CBFA2T2: variants seen among roughly 807,000 people sequenced by gnomAD.
The protein encoded by CBFA2T2 is protein CBFA2T2.
In CBFA2T2, 11 loss-of-function variants were observed where a neutral mutation model predicts 62.2. The ratio of observed to expected loss-of-function variants is 0.18; its 90% CI spans 0.11 to 0.29. The LOEUF is 0.29. Among genes scored for constraint, CBFA2T2 ranks in the 10% least tolerant of loss-of-function variants. CBFA2T2 has a pLI of 1.00. For missense variants in CBFA2T2, 592 were observed against 774.1 expected, an observed-to-expected ratio of 0.76 and a Z score of 2.79; for synonymous variants, 295 against 287.5, an observed-to-expected ratio of 1.03 and a Z score of -0.27.
chr20:33,579,265 A>C (rs2013994782), intron 1 of CBFA2T2, among the ~76,000 whole-genome samples: 1 of 151,774 alleles, frequency 6.6e-6, no homozygotes, highest in Non-Finnish European at 1.5e-5. Context: ...ATGGGGTCTC[A>C]CTGTATTGCC....
intron 3 of CBFA2T2, among the ~76,000 whole-genome samples, chr20:33,615,209 C>T (rs1415770065): frequency 6.6e-6 from 1 of 152,152 alleles, no homozygotes. Context: ...AGTTATCCAT[C>T]TGCATTCTGT....
At chr20:33,521,327 A>G (rs1457784445) in intron 1 of CBFA2T2, among the ~76,000 whole-genome samples, 2 of 152,186 alleles carry the variant, frequency 1.3e-5, no homozygotes, top group African/African-American at 2.4e-5. Flanking sequence ...GAAGTGGTTA[A>G]TGACAACCAA....
chr20:33,490,415 C>G (rs902766411), intron 1 of CBFA2T2, 114 bp downstream of exon 1: 2 of 1,035,442 alleles, frequency 1.9e-6, no homozygotes, highest in Admixed American at 8.7e-5. Context: ...AACTGAGGCC[C>G]GAAGCGGGGC....
At position 33,600,714 on chromosome 20, in the gene CBFA2T2, G is replaced by A. The variant is rs776716929; in HGVS notation, c.35-6242G>A. ...TTGTGTTAAGACTTGCCTGGCCGTC[G>A]TACATGGTAATGTTTCTATTTCTTT... is the stretch of plus-strand genomic sequence containing the variant. On this transcript the variant is annotated intron_variant, in intron 1 of 10. Transcript: ENST00000342704. 2.4e-4 allele frequency among the ~76,000 whole-genome samples: 37 copies of A among 151,954 alleles called. 2 individuals are homozygous for A. The highest frequency in any genetic ancestry group is 7.4e-5 in the Non-Finnish European group (5 of 67,982).
At chr20:33,567,567 G>C (rs1033029843) in intron 1 of CBFA2T2, among the ~76,000 whole-genome samples, 1 of 149,974 alleles carries the variant, frequency 6.7e-6, no homozygotes, top group Non-Finnish European at 1.5e-5. Flanking sequence ...TGCCTACTTT[G>C]TAAATTAAAC....
intron 1 of CBFA2T2, among the ~76,000 whole-genome samples, chr20:33,593,342 C>CA (rs200276034): frequency 1.8e-4 from 27 of 146,172 alleles, no homozygotes; most frequent in African/African-American, 5.2e-4. Context: ...AAACAAAAAA[C>CA]AAAAAAAACC....
intron 1 of CBFA2T2, among the ~76,000 whole-genome samples, chr20:33,596,428 C>T (rs6057872): frequency 6.6e-6 from 1 of 152,144 alleles, no homozygotes; most frequent in Non-Finnish European, 1.5e-5. Context: ...TTATAATAAC[C>T]TAAACAGCTA....
intron 1 of CBFA2T2, among the ~76,000 whole-genome samples, chr20:33,530,236 C>T (rs549047195): frequency 6.6e-6 from 1 of 152,114 alleles, no homozygotes; most frequent in Non-Finnish European, 1.5e-5. Context: ...CTTTGTTTCT[C>T]TTTTGTATCT....
At chr20:33,626,116 CA>C (rs1404057586) in intron 6 of CBFA2T2, among the ~76,000 whole-genome samples, 2 of 151,378 alleles carry the variant, frequency 1.3e-5, no homozygotes, top group African/African-American at 2.4e-5. Flanking sequence ...AAAACAAAAC[CA>C]AACAAAAAAC....
At chr20:33,600,024 C>T (rs1006656909) in intron 1 of CBFA2T2, among the ~76,000 whole-genome samples, 3 of 152,092 alleles carry the variant, frequency 2.0e-5, no homozygotes, top group Non-Finnish European at 4.4e-5. Flanking sequence ...GATGTGTTGT[C>T]AGATTTGTGG....
chr20:33,589,060 A>G (rs534950160), intron 1 of CBFA2T2, among the ~76,000 whole-genome samples: 24 of 152,348 alleles, frequency 1.6e-4, no homozygotes, highest in African/African-American at 5.8e-4. Flanking sequence ...TATTTCTAAT[A>G]AAAACAAGTA....
intron 3 of CBFA2T2, among the ~76,000 whole-genome samples, chr20:33,611,798 A>G (rs369466203): frequency 5.9e-5 from 9 of 152,298 alleles, no homozygotes; most frequent in African/African-American, 2.2e-4. Flanking sequence ...TATAAGCATG[A>G]TGTTTAATTG....
chr20:33,615,586 C>A (rs1381493255), intron 3 of CBFA2T2, among the ~76,000 whole-genome samples: 3 of 152,062 alleles, frequency 2.0e-5, no homozygotes, highest in Admixed American at 6.6e-5. Context: ...CCTATTCCCC[C>A]CAATAAGTAG....
intron 8 of CBFA2T2, among the ~76,000 whole-genome samples, chr20:33,632,742 C>T (rs1255518312): frequency 6.6e-6 from 1 of 151,004 alleles, no homozygotes; most frequent in African/African-American, 2.4e-5. Context: ...CCACCGTGCC[C>T]GGCCTCACCA....
chr20:33,542,771 A>C (rs1487146766), intron 1 of CBFA2T2, among the ~76,000 whole-genome samples: 2 of 151,954 alleles, frequency 1.3e-5, no homozygotes, highest in Admixed American at 6.6e-5. Context: ...TCCCAGGCTC[A>C]AGTGGTCCTC....
chr20:33,609,642 G>A (rs1296884223), intron 2 of CBFA2T2, among the ~76,000 whole-genome samples: 1 of 152,188 alleles, frequency 6.6e-6, no homozygotes, highest in Admixed American at 6.5e-5. Flanking sequence ...TGAACCGTAT[G>A]GGATGAAGAA....
intron 1 of CBFA2T2, chr20:33,574,315 A>C: frequency 2.6e-6 from 4 of 1,548,578 alleles, no homozygotes; most frequent in Non-Finnish European, 3.5e-6. Flanking sequence ...ACAGAAATAT[A>C]CTCTTCCCTA....
chr20:33,623,132 G>T lies in CBFA2T2; in HGVS notation c.528G>T (p.Leu176=). 2.5e-6 allele frequency: 4 copies of T among 1,614,230 alleles called. No individual in the cohort carries two copies. ...CTTTCAAGGCCAACCTGCCCCTGCT[G>T]CAGCGGGAACTGCTGCACTGCGCTC... ...IPFLKANLPL[L]QRELLHCARA... Residue 176 remains leucine, a synonymous_variant, in exon 5 of 11, where the codon CTG becomes CTT. Coordinates refer to ENST00000342704, the MANE Select transcript of CBFA2T2 (RefSeq NM_001032999.3).
At chr20:33,642,096 C>G (rs1245038210) in intron 10 of CBFA2T2, among the ~76,000 whole-genome samples, 5 of 148,428 alleles carry the variant, frequency 3.4e-5, no homozygotes, top group South Asian at 2.1e-4. Context: ...TTCTCTCCTC[C>G]TCCTTTGTCT....
Sources: gnomAD v4.1 joint callset for allele counts (sites outside exome capture counted in the v4.1 genomes callset) on GRCh38, gnomAD v4.1.1 for gene constraint, MANE v1.5 for transcripts, NCBI Gene and HGNC (gene_info 2026-07-23, HGNC 2026-07-21) for gene names.